The following LONP2 variants were observed in gnomAD, a reference collection of about 807,000 sequenced individuals.
LONP2 encodes lon protease homolog 2, peroxisomal.
A neutral mutation model predicts 85.6 loss-of-function variants in LONP2; 60 were observed. That is an observed-to-expected ratio of 0.70 (90% confidence interval 0.57 to 0.87). The LOEUF (loss-of-function observed/expected upper bound fraction) is 0.87. Among genes scored for constraint, LONP2 ranks in the 40% least tolerant of loss-of-function variants. The pLI, the probability that LONP2 is intolerant of heterozygous loss-of-function variation, is 0.00. For missense variants in LONP2, 860 were observed against 1,063.5 expected (o/e 0.81, Z 2.66); for synonymous variants, 395 against 389.7 (o/e 1.01, Z -0.16).
intron 7 of LONP2, among the ~76,000 whole-genome samples, chr16:48,272,558 G>T (rs1972126608): frequency 6.6e-6 from 1 of 152,090 alleles, no homozygotes; most frequent in Non-Finnish European, 1.5e-5. Flanking sequence ...GTAAAAGGAG[G>T]TTGTGTTACA....
At chr16:48,333,443 T>C (rs560545892) in intron 11 of LONP2, among the ~76,000 whole-genome samples, 1 of 152,340 alleles carries the variant, frequency 6.6e-6, no homozygotes, top group Admixed American at 6.5e-5. Context: ...TTAAGCTATA[T>C]GCTTATAAAA....
At chr16:48,289,018 C>T (rs1972506475) in intron 8 of LONP2, among the ~76,000 whole-genome samples, 1 of 152,056 alleles carries the variant, frequency 6.6e-6, no homozygotes, top group South Asian at 2.1e-4. Context: ...CATAATATGT[C>T]TATCCTAGCT....
intron 12 of LONP2, among the ~76,000 whole-genome samples, chr16:48,341,301 A>AAAAC (rs547756341): frequency 6.6e-6 from 1 of 151,860 alleles, no homozygotes; most frequent in Admixed American, 6.6e-5. Flanking sequence ...CTCCATCTCA[A>AAAAC]AAATAAATAA....
chr16:48,325,016 C>T (rs1973340256), intron 11 of LONP2, among the ~76,000 whole-genome samples: 1 of 152,138 alleles, frequency 6.6e-6, no homozygotes, highest in Admixed American at 6.5e-5. Flanking sequence ...GAACAGTGGT[C>T]CCCAACCTTT....
At chr16:48,304,507 C>T (rs1476264490) in intron 11 of LONP2, among the ~76,000 whole-genome samples, 3 of 151,968 alleles carry the variant, frequency 2.0e-5, no homozygotes, top group Non-Finnish European at 4.4e-5. Context: ...AGTTTGAGAC[C>T]AGCCTAGCCA....
intron 6 of LONP2, among the ~76,000 whole-genome samples, chr16:48,268,395 A>G (rs1283395767): frequency 1.3e-5 from 2 of 152,158 alleles, no homozygotes; most frequent in Non-Finnish European, 2.9e-5. Flanking sequence ...AACGCATTAT[A>G]ACAAGTACCT....
chr16:48,351,903 G>C lies in LONP2; in HGVS notation c.*101G>C, dbSNP rs1054515381. On this transcript the variant is annotated 3_prime_UTR_variant, in exon 15 of 15. Coordinates refer to ENST00000285737, the MANE Select transcript of LONP2 (RefSeq NM_031490.5). ...CATTAGGGGTATGCAAGATGTCCCT[G>C]TTTTATAAACATAATCACAACAGTA... 1.2e-6 allele frequency: 1 copy of C among 837,662 alleles called. No homozygotes were observed. The highest frequency in any genetic ancestry group is 1.7e-5 in the African/African-American group (1 of 58,304). 51.9% of individuals were successfully genotyped at this position (837,662 alleles called of 1,614,324 possible).
chr16:48,350,502 G>C (rs1263288699), intron 14 of LONP2, among the ~76,000 whole-genome samples: 1 of 152,188 alleles, frequency 6.6e-6, no homozygotes, highest in Non-Finnish European at 1.5e-5. Flanking sequence ...AACATGCAAG[G>C]AATCAGTTCA....
intron 8 of LONP2, among the ~76,000 whole-genome samples, chr16:48,295,081 A>G (rs896539764): frequency 6.6e-6 from 1 of 152,184 alleles, no homozygotes; most frequent in African/African-American, 2.4e-5. Context: ...AAATTATCTA[A>G]TGTATCTAAT....
intron 12 of LONP2, among the ~76,000 whole-genome samples, chr16:48,335,872 A>C (rs1959630071): frequency 6.6e-6 from 1 of 152,212 alleles, no homozygotes; most frequent in South Asian, 2.1e-4. Context: ...CATTGTTTTG[A>C]TTATTTGAAT....
Position 48,356,918 on chromosome 16 carries a change from A to C in LONP2, c.*5116A>C, listed in dbSNP as rs1960388722. Reference sequence around the variant, plus strand: ...TGCAAGCCTGTCAAAATGTGACCCCAAAACCAGGTGTCCTTTTGCTCCATT... The same window carrying C: ...TGCAAGCCTGTCAAAATGTGACCCCCAAACCAGGTGTCCTTTTGCTCCATT... On this transcript the variant is annotated 3_prime_UTR_variant, in exon 15 of 15. Transcript: ENST00000285737. 1 of 155,284 alleles carries C rather than the reference A, an allele frequency of 6.4e-6. No individual in the cohort carries two copies. The highest frequency in any genetic ancestry group is 1.9e-4 in the South Asian group (1 of 5,172). 9.6% of individuals were successfully genotyped at this position (155,284 alleles called of 1,614,324 possible).
chr16:48,259,085 C>CTT (rs1223417303), intron 4 of LONP2, among the ~76,000 whole-genome samples: 1 of 152,086 alleles, frequency 6.6e-6, no homozygotes, highest in Non-Finnish European at 1.5e-5. Context: ...ATACAAAACT[C>CTT]TTTCTTAAAA....
chr16:48,270,527 A>C (rs193146661), intron 7 of LONP2, among the ~76,000 whole-genome samples: 48 of 152,280 alleles, frequency 3.2e-4, no homozygotes, highest in African/African-American at 1.1e-3. Context: ...TCTCATTTGA[A>C]TGTAATTATA....
At chr16:48,323,672 AC>A (rs1973312539) in intron 11 of LONP2, among the ~76,000 whole-genome samples, 1 of 151,962 alleles carries the variant, frequency 6.6e-6, no homozygotes, top group Non-Finnish European at 1.5e-5. Flanking sequence ...AAAAAAAAAA[AC>A]AACTAAAATT....
rs879646208 is a variant in LONP2 at position 48,356,398 on chromosome 16, G to A, written c.*4596G>A. On this transcript the variant is annotated 3_prime_UTR_variant, in exon 15 of 15. Coordinates refer to ENST00000285737, the MANE Select transcript of LONP2 (RefSeq NM_031490.5). ...CAAATCTAAAATTTATTTTAACCAG[G>A]ATTTTAGATGTAAACATCAAGTAGT... is the stretch of plus-strand genomic sequence containing the variant. The A allele has an allele frequency of 7.2e-5, 11 of 151,886 alleles. No homozygotes were observed. Among genetic ancestry groups the A allele is most frequent in the Non-Finnish European group, 1.3e-4 (9 of 68,256 alleles). 9.4% of individuals were successfully genotyped at this position (151,886 alleles called of 1,614,324 possible). A position where few individuals can be genotyped will look rare whatever the true frequency, so the allele number is the denominator to read the frequency against.
chr16:48,309,786 C>G (rs1320409763), intron 11 of LONP2, among the ~76,000 whole-genome samples: 3 of 151,780 alleles, frequency 2.0e-5, no homozygotes, highest in African/African-American at 7.3e-5. Context: ...GGAGAATGTC[C>G]CATGTGCTAA....
chr16:48,286,556 G>A (rs1283008264), intron 8 of LONP2, among the ~76,000 whole-genome samples: 1 of 152,084 alleles, frequency 6.6e-6, no homozygotes, highest in Non-Finnish European at 1.5e-5. Context: ...AGACTGGAGT[G>A]CAGTGGCGCA....
At chr16:48,264,177 C>T (rs192618016) in intron 6 of LONP2, among the ~76,000 whole-genome samples, 41 of 152,196 alleles carry the variant, frequency 2.7e-4, no homozygotes, top group African/African-American at 8.2e-4. Flanking sequence ...TATCAGGAGA[C>T]GGGGTTTTGA....
At chr16:48,299,842 C>A in intron 10 of LONP2, 54 bp downstream of exon 10, 1 of 1,558,410 alleles carries the variant, frequency 6.4e-7, no homozygotes, top group Non-Finnish European at 8.7e-7. Context: ...TGAGTATTTA[C>A]TGAGTTACCA....
Sources: gnomAD v4.1 joint callset for allele counts (sites outside exome capture counted in the v4.1 genomes callset) on GRCh38, gnomAD v4.1.1 for gene constraint, MANE v1.5 for transcripts, NCBI Gene and HGNC (gene_info 2026-07-23, HGNC 2026-07-21) for gene names.